Variants in OPA1 observed in about 807,000 individuals in gnomAD.
OPA1 encodes the protein dynamin-like GTPase OPA1, mitochondrial.
A neutral mutation model predicts 152.9 loss-of-function variants in OPA1; 59 were observed. That is an observed-to-expected ratio of 0.39 (90% CI 0.31 to 0.48). The LOEUF (loss-of-function observed/expected upper bound fraction) is 0.48, where lower values mean the gene tolerates loss of function less well. OPA1 is among the 20% of genes least tolerant of loss of function. The pLI is 0.96. For missense variants in OPA1, 1,008 were observed against 1,216.8 expected (o/e 0.83, Z 2.55); for synonymous variants, 400 against 389.9 (o/e 1.03, Z -0.31).
chr3:193,658,509 G>A (rs9837682), intron 23 of OPA1, among the ~76,000 whole-genome samples: 64,345 of 151,934 alleles, frequency 0.42, 13,918 homozygotes, highest in Non-Finnish European at 0.43. Context: ...TAACATGTAG[G>A]TCACATGGCA....
Position 193,637,237 on chromosome 3 carries a change from T to A in OPA1, c.991T>A (p.Ser331Thr). 1 of 1,608,610 alleles carries A rather than the reference T, an allele frequency of 6.2e-7. No homozygotes were observed. Among genetic ancestry groups the A allele is most frequent in the Non-Finnish European group, 8.5e-7 (1 of 1,176,380 alleles). The change falls in exon 10 of 31, where the codon TCT (serine) becomes ACT (threonine). Residue 331 changes from serine to threonine, a missense_variant. By Grantham distance (58) the Ser-to-Thr change is moderately conservative. Transcript: ENST00000361510. ...DMYSEVLDVL[S>T]DYDASYNTQD... ...GTATTCTGAAGTTCTTGATGTTCTC[T>A]CTGATTATGATGCCAGTTATAATAC...
At chr3:193,679,701 T>C (rs962644598) in intron 29 of OPA1, among the ~76,000 whole-genome samples, 3 of 152,194 alleles carry the variant, frequency 2.0e-5, no homozygotes, top group African/African-American at 7.2e-5. Context: ...TTCTTTTTTA[T>C]GTGATTTTTG....
chr3:193,668,389 ACTT>A, intron 29 of OPA1: 1 of 1,551,270 alleles, frequency 6.4e-7, no homozygotes, highest in Non-Finnish European at 8.7e-7. Context: ...CAGCATTGAC[ACTT>A]CTTTTACCTT....
At chr3:193,688,520 C>T (rs1335180261) in intron 29 of OPA1, among the ~76,000 whole-genome samples, 4 of 114,500 alleles carry the variant, frequency 3.5e-5, no homozygotes, top group Non-Finnish European at 6.7e-5. Flanking sequence ...GCTATGTCAC[C>T]AGGCTGGAGT....
chr3:193,596,294 A>ACTTTTCTTTTCTTTTCTTTT (rs776639249), intron 1 of OPA1, among the ~76,000 whole-genome samples: 66 of 90,834 alleles, frequency 7.3e-4, no homozygotes, highest in East Asian at 5.2e-3. Context: ...GGCCATCGCA[A>ACTTTTCTTTTCTTTTCTTTT]CTTTTCTTTT....
chr3:193,645,530 A>G, intron 16 of OPA1, 23 bp from the exon 17 acceptor site: 1 of 1,588,514 alleles, frequency 6.3e-7, no homozygotes, highest in Non-Finnish European at 8.6e-7. Flanking sequence ...TCTCACATTA[A>G]TTTTTCCCAC....
At chr3:193,684,600 G>A (rs966107491) in intron 29 of OPA1, among the ~76,000 whole-genome samples, 23 of 151,978 alleles carry the variant, frequency 1.5e-4, no homozygotes, top group African/African-American at 5.1e-4. Flanking sequence ...ACAGGCGCCC[G>A]CCACTACGCC....
At chr3:193,616,007 G>A (rs1418802639) in intron 3 of OPA1, among the ~76,000 whole-genome samples, 3 of 152,200 alleles carry the variant, frequency 2.0e-5, no homozygotes, top group Non-Finnish European at 4.4e-5. Flanking sequence ...TACTATATGT[G>A]GTTAGTATCT....
intron 29 of OPA1, among the ~76,000 whole-genome samples, chr3:193,689,848 G>C (rs930785978): frequency 6.6e-6 from 1 of 152,116 alleles, no homozygotes; most frequent in African/African-American, 2.4e-5. Flanking sequence ...AGAAGCACCC[G>C]TTTGAGATTC....
intron 29 of OPA1, among the ~76,000 whole-genome samples, chr3:193,677,228 C>A (rs1305472186): frequency 1.3e-5 from 2 of 149,508 alleles, no homozygotes; most frequent in African/African-American, 4.9e-5. Context: ...TACTTATATA[C>A]TATTGTGAAA....
At chr3:193,611,675 T>G (rs1371852459) in intron 1 of OPA1, among the ~76,000 whole-genome samples, 2 of 151,910 alleles carry the variant, frequency 1.3e-5, no homozygotes, top group East Asian at 1.9e-4. Context: ...TTGCAACTTA[T>G]GTTTTTTAGT....
intron 29 of OPA1, 159 bp from the exon 30 acceptor site, chr3:193,691,904 T>A: frequency 8.6e-6 from 5 of 579,214 alleles, no homozygotes; most frequent in African/African-American, 1.9e-5. Context: ...ACTACTATAA[T>A]CCATCTGGAC....
chr3:193,679,282 G>C (rs1719741193), intron 29 of OPA1, among the ~76,000 whole-genome samples: 1 of 141,020 alleles, frequency 7.1e-6, no homozygotes, highest in Admixed American at 7.0e-5. Flanking sequence ...GAAAAAAAAG[G>C]TTTCAAAACT....
chr3:193,600,224 A>G (rs1289329504), intron 1 of OPA1, among the ~76,000 whole-genome samples: 2 of 152,178 alleles, frequency 1.3e-5, no homozygotes, highest in African/African-American at 4.8e-5. Flanking sequence ...AGGCGTTGAC[A>G]CCACTCTCTG....
intron 29 of OPA1, among the ~76,000 whole-genome samples, chr3:193,684,607 C>T (rs976332035): frequency 7.2e-5 from 11 of 151,962 alleles, no homozygotes; most frequent in Non-Finnish European, 1.2e-4. Flanking sequence ...CCCGCCACTA[C>T]GCCCGGCTAA....
intron 29 of OPA1, among the ~76,000 whole-genome samples, chr3:193,676,048 C>T (rs1718926391): frequency 6.6e-6 from 1 of 152,186 alleles, no homozygotes; most frequent in Non-Finnish European, 1.5e-5. Context: ...GTCTGGCTTT[C>T]ATCTATATCA....
chr3:193,694,616 A>G lies in OPA1; in HGVS notation c.*16A>G, dbSNP rs1259004315. 1.3e-5 allele frequency: 2 copies of G among 152,210 alleles called. No individual in the cohort carries two copies. The highest frequency in any genetic ancestry group is 4.8e-5 in the African/African-American group (2 of 41,448). The allele number at this position is 152,210 out of a possible 1,614,324, so 9.4% of individuals were successfully genotyped here. ...GGTTTATTTTTACAGAATCGTACTC[A>G]TAATCAGCTCTGCATACATCTGAAG... is the stretch of plus-strand genomic sequence containing the variant. On this transcript the variant is annotated 3_prime_UTR_variant, in exon 31 of 31. Transcript: ENST00000361510.
At chr3:193,694,375 A>G (rs1722060661) in intron 30 of OPA1, among the ~76,000 whole-genome samples, 1 of 152,218 alleles carries the variant, frequency 6.6e-6, no homozygotes, top group Non-Finnish European at 1.5e-5. Flanking sequence ...CTATACAGTC[A>G]TACACAGATT....
At chr3:193,665,038 G>A (rs1395131145) in intron 27 of OPA1, 42 bp downstream of exon 27, 2 of 1,088,392 alleles carry the variant, frequency 1.8e-6, no homozygotes, top group East Asian at 4.7e-5. Context: ...TTAAGCAACA[G>A]TTGTCAAAAT....
Sources: allele counts gnomAD v4.1 joint callset (sites outside exome capture counted in the v4.1 genomes callset), GRCh38; gene constraint gnomAD v4.1.1; transcripts MANE v1.5; gene names NCBI Gene and HGNC (gene_info 2026-07-23, HGNC 2026-07-21).